Variants in ETFA observed in about 807,000 individuals in gnomAD.
The protein encoded by ETFA is electron transfer flavoprotein subunit alpha, mitochondrial.
A neutral mutation model predicts 46.2 loss-of-function variants in ETFA; 22 were observed. The observed-to-expected ratio is 0.48, with a 90% CI of 0.34 to 0.68. The LOEUF (loss-of-function observed/expected upper bound fraction) is 0.68. ETFA is among the 30% of genes least tolerant of loss of function. The pLI is 0.01. For missense variants in ETFA, 345 were observed against 401.1 expected (o/e 0.86, Z 1.19); for synonymous variants, 131 against 139.9 (o/e 0.94, Z 0.45).
intron 8 of ETFA, among the ~76,000 whole-genome samples, chr15:76,281,428 ATT>A (rs1163521200): frequency 4.3e-5 from 6 of 138,950 alleles, no homozygotes; most frequent in Non-Finnish European, 6.3e-5. Flanking sequence ...ACTCTCTAAC[ATT>A]TTTTTTTTTT....
In ETFA at chr15:76,260,818, T is replaced by C. The variant is rs116039766; in HGVS notation, c.816+13594A>G. The C allele has an allele frequency of 8.6e-4, 1,389 of 1,608,232 alleles. 7 individuals are homozygous for C. The African/African-American group carries it at 0.017, about 20-fold the overall frequency. On this transcript the variant is annotated intron_variant, in intron 9 of 11. Transcript: ENST00000557943. ...CCCAAAGCATTGGCACAGCACACCC[T>C]GAGGCTGTAGCTGGTGGCAGGCACC...
intron 1 of ETFA, among the ~76,000 whole-genome samples, chr15:76,298,027 G>A (rs561905908): frequency 5.9e-5 from 9 of 151,668 alleles, no homozygotes; most frequent in Non-Finnish European, 7.4e-5. Flanking sequence ...AAATTTAGGA[G>A]GATGAATCAG....
intron 9 of ETFA, among the ~76,000 whole-genome samples, chr15:76,248,387 G>A (rs2039263860): frequency 1.3e-5 from 2 of 151,918 alleles, no homozygotes; most frequent in Admixed American, 6.6e-5. Context: ...ATCAAATCAA[G>A]TAGATTATAA....
chr15:76,261,496 T>C lies in ETFA; in HGVS notation c.816+12916A>G. 7 of 770,710 alleles carry C rather than the reference T, an allele frequency of 9.1e-6. No individual in the cohort carries two copies. In the South Asian group the frequency reaches 1.2e-4, roughly 13 times the overall value. 47.7% of individuals were successfully genotyped at this position (770,710 alleles called of 1,614,324 possible). On this transcript the variant is annotated intron_variant, in intron 9 of 11. Transcript: ENST00000557943. ...CTGGATGTCAGGCTCCTCCATCCCC[T>C]CCATGCTGCAGCTGAGCTTTACCAG...
At chr15:76,288,888 C>A (rs1328017566) in intron 4 of ETFA, among the ~76,000 whole-genome samples, 1 of 149,772 alleles carries the variant, frequency 6.7e-6, no homozygotes, top group Non-Finnish European at 1.5e-5. Context: ...TCACAGTTCC[C>A]CAAGTCTCAG....
intron 9 of ETFA, among the ~76,000 whole-genome samples, chr15:76,266,293 C>A (rs922757994): frequency 6.6e-6 from 1 of 152,130 alleles, no homozygotes; most frequent in Non-Finnish European, 1.5e-5. Context: ...CTGTTCCCGC[C>A]ATAAATAATA....
intron 9 of ETFA, among the ~76,000 whole-genome samples, chr15:76,232,563 T>C (rs1323583010): frequency 2.0e-5 from 3 of 152,256 alleles, no homozygotes; most frequent in African/African-American, 7.2e-5. Flanking sequence ...AGTGTCAAGG[T>C]GGTCCCACCT....
intron 1 of ETFA, among the ~76,000 whole-genome samples, chr15:76,307,224 C>A (rs1023788236): frequency 3.3e-5 from 5 of 152,182 alleles, no homozygotes; most frequent in African/African-American, 9.7e-5. Flanking sequence ...AATATCCCTG[C>A]AAGAATATTA....
rs548648232 is a variant in ETFA at position 76,215,736 on chromosome 15, T to C, written c.*823A>G. On this transcript the variant is annotated 3_prime_UTR_variant, in exon 12 of 12. Coordinates refer to ENST00000557943, the MANE Select transcript of ETFA (RefSeq NM_000126.4). ...GAGGTGACTACACAGGCCTGGGTGC[T>C]TCCTAAGAGAGCCCAAAAGAAGCCA... is the stretch of plus-strand genomic sequence containing the variant. The C allele has an allele frequency of 4.6e-5, 7 of 152,152 alleles. No homozygotes were observed. Among genetic ancestry groups the C allele is most frequent in the Non-Finnish European group, 8.8e-5 (6 of 68,114 alleles). The allele number at this position is 152,152 out of a possible 1,614,324, so 9.4% of individuals were successfully genotyped here.
chr15:76,276,492 T>C (rs2039592692), intron 8 of ETFA, among the ~76,000 whole-genome samples: 2 of 152,170 alleles, frequency 1.3e-5, no homozygotes, highest in South Asian at 2.1e-4. Context: ...CTGACATTAA[T>C]GAGGGGAAAT....
Position 76,287,943 on chromosome 15 carries a change from G to A in ETFA, c.354C>T (p.Asn118=), listed in dbSNP as rs761728625. The change falls in exon 5 of 12, where the codon AAC becomes AAT. Residue 118 remains asparagine (N), a splice_region_variant and synonymous_variant. Coordinates refer to ENST00000557943, the MANE Select transcript of ETFA (RefSeq NM_000126.4). ...GTTTGGCTGCTACTCTGGGCAAAAG[G>A]TTCTAAAAGCAAAATAAGCAGTGAG... is the stretch of plus-strand genomic sequence containing the variant. ...ICAGASAFGK[N]LLPRVAAKLE... 1.9e-6 allele frequency: 3 copies of A among 1,611,964 alleles called. No homozygotes were observed. The highest frequency in any genetic ancestry group is 1.1e-5 in the South Asian group (1 of 91,028).
At chr15:76,278,528 T>C (rs184331078) in intron 8 of ETFA, among the ~76,000 whole-genome samples, 11 of 152,362 alleles carry the variant, frequency 7.2e-5, no homozygotes, top group African/African-American at 2.6e-4. Flanking sequence ...TCTCCTGTAG[T>C]TCAGCATTAC....
chr15:76,292,423 C>A lies in ETFA; in HGVS notation c.351+8G>T. 6.2e-7 allele frequency: 1 copy of A among 1,601,598 alleles called. No individual in the cohort carries two copies. Among genetic ancestry groups the A allele is most frequent in the Non-Finnish European group, 8.6e-7 (1 of 1,168,516 alleles). Reference sequence around the variant, plus strand: ...TGATATCAGATTCCACATTCTCAACCTTCTCACCTTTCCGAAGGCAGATGC... The same window carrying A: ...TGATATCAGATTCCACATTCTCAACATTCTCACCTTTCCGAAGGCAGATGC... On this transcript the variant is annotated splice_region_variant and intron_variant, in intron 4 of 11. Transcript: ENST00000557943.
intron 9 of ETFA, among the ~76,000 whole-genome samples, chr15:76,239,376 A>G (rs2039161220): frequency 6.6e-6 from 1 of 152,216 alleles, no homozygotes; most frequent in South Asian, 2.1e-4. Flanking sequence ...CTATCACATC[A>G]CAATTACTTT....
At chr15:76,259,611 TCCAGGG>T in intron 9 of ETFA, 1 of 912,034 alleles carries the variant, frequency 1.1e-6, no homozygotes, top group Non-Finnish European at 1.8e-6. Flanking sequence ...AGCCAGGCTC[TCCAGGG>T]CCAGCCACTT....
chr15:76,264,627 T>C (rs1567208466), intron 9 of ETFA, among the ~76,000 whole-genome samples: 3 of 152,210 alleles, frequency 2.0e-5, no homozygotes, highest in Non-Finnish European at 4.4e-5. Flanking sequence ...GCTTCTTGCA[T>C]ATGATAATGC....
chr15:76,276,470 G>A (rs1438622941), intron 8 of ETFA, among the ~76,000 whole-genome samples: 1 of 152,022 alleles, frequency 6.6e-6, no homozygotes, highest in Non-Finnish European at 1.5e-5. Context: ...TCCTAGATCT[G>A]TGGATTGGTA....
At chr15:76,227,671 A>C in intron 10 of ETFA, 1 of 377,884 alleles carries the variant, frequency 2.6e-6, no homozygotes, top group South Asian at 2.0e-5. Context: ...GTGGACTAAA[A>C]ATAATTCAAA....
At position 76,217,082 on chromosome 15, in the gene ETFA, G is replaced by A. The variant is rs2038904295; in HGVS notation, c.964-485C>T. Among the ~76,000 whole-genome samples the A allele has an allele frequency of 1.3e-5, 2 of 152,134 alleles. 1 individual carries two copies. The highest frequency in any genetic ancestry group is 4.2e-4 in the South Asian group (2 of 4,812). On this transcript the variant is annotated intron_variant, in intron 11 of 11. Transcript: ENST00000557943. ...TCTGCCTGCCTCAGCCTCCCAAAGT[G>A]TTGAGATTACAGGCGTGAACCACTG...
Sources: allele counts gnomAD v4.1 joint callset (sites outside exome capture counted in the v4.1 genomes callset), GRCh38; gene constraint gnomAD v4.1.1; transcripts MANE v1.5; gene names NCBI Gene and HGNC (gene_info 2026-07-23, HGNC 2026-07-21).